Variants in WAC observed in about 807,000 individuals in gnomAD.
The protein encoded by WAC is WW domain containing adaptor with coiled-coil.
In WAC, 11 loss-of-function variants were observed where a neutral mutation model predicts 79.6. The ratio of observed to expected loss-of-function variants is 0.14; its 90% CI spans 0.09 to 0.23. The LOEUF (loss-of-function observed/expected upper bound fraction) is 0.23. WAC is among the 10% of genes least tolerant of loss of function. WAC has a pLI of 1.00. For missense variants in WAC, 728 were observed against 773.5 expected, an observed-to-expected ratio of 0.94 and a Z score of 0.70; for synonymous variants, 304 against 276.9, an observed-to-expected ratio of 1.10 and a Z score of -0.97.
At chr10:28,610,663 G>A in intron 8 of WAC, 36 bp from the exon 9 acceptor site, 2 of 1,575,968 alleles carry the variant, frequency 1.3e-6, no homozygotes, top group Non-Finnish European at 1.7e-6. Context: ...TAAGCCTCTT[G>A]TTTTTATATG....
chr10:28,549,885 C>T lies in WAC; in HGVS notation c.274+14128C>T, dbSNP rs151194684. ...AAGTTTAAAGAGTTTTAAGTTTTGG[C>T]CAGGCGCAGTGGCTCACACCTGTAC... On this transcript the variant is annotated intron_variant, in intron 3 of 13. Coordinates refer to ENST00000354911, the MANE Select transcript of WAC (RefSeq NM_016628.5). Among the ~76,000 whole-genome samples, 336 of 152,160 alleles carry T rather than the reference C, an allele frequency of 2.2e-3. 1 individual carries two copies. Among genetic ancestry groups the T allele is most frequent in the Middle Eastern group, 0.01 (3 of 294 alleles).
chr10:28,597,272 G>A (rs1201462278), intron 7 of WAC, among the ~76,000 whole-genome samples: 1 of 152,050 alleles, frequency 6.6e-6, no homozygotes, highest in Non-Finnish European at 1.5e-5. Flanking sequence ...GAGAAATATT[G>A]AGAGATGAAA....
chr10:28,585,398 A>C (rs1244768946), intron 4 of WAC, among the ~76,000 whole-genome samples: 1 of 152,138 alleles, frequency 6.6e-6, no homozygotes, highest in East Asian at 1.9e-4. Flanking sequence ...CCATCTGGCT[A>C]AATAGAGAGT....
chr10:28,565,428 A>G (rs1440298845), intron 3 of WAC, among the ~76,000 whole-genome samples: 1 of 152,176 alleles, frequency 6.6e-6, no homozygotes, highest in Non-Finnish European at 1.5e-5. Flanking sequence ...GCTGGAGTGC[A>G]GTGGCTCAAT....
intron 4 of WAC, among the ~76,000 whole-genome samples, chr10:28,587,275 T>G (rs892118936): frequency 1.3e-5 from 2 of 152,260 alleles, no homozygotes; most frequent in African/African-American, 4.8e-5. Context: ...AACATCTTAG[T>G]AATGTTTGAC....
At chr10:28,581,550 G>C (rs1161180934) in intron 3 of WAC, among the ~76,000 whole-genome samples, 1 of 151,736 alleles carries the variant, frequency 6.6e-6, no homozygotes, top group African/African-American at 2.4e-5. Context: ...CTTTTTGTTT[G>C]TTTGTTTGTT....
At chr10:28,547,401 G>A (rs1837411133) in intron 3 of WAC, among the ~76,000 whole-genome samples, 1 of 152,100 alleles carries the variant, frequency 6.6e-6, no homozygotes, top group African/African-American at 2.4e-5. Context: ...TGGGCGTGGT[G>A]GCATGTGCCT....
chr10:28,533,338 T>C lies in WAC; in HGVS notation c.-242T>C, dbSNP rs1243957945. On this transcript the variant is annotated 5_prime_UTR_variant, in exon 1 of 14. Transcript: ENST00000354911. ...CGTCGTCTTGCCCCCCTCCCCCCGG[T>C]TCGCGGTGCCGCCGTGTAGTTGGCG... 1.3e-5 allele frequency: 2 copies of C among 154,096 alleles called. No individual in the cohort carries two copies. The highest frequency in any genetic ancestry group is 2.9e-5 in the Non-Finnish European group (2 of 69,236). 9.5% of individuals were successfully genotyped at this position (154,096 alleles called of 1,614,324 possible). A position where few individuals can be genotyped will look rare whatever the true frequency, so the allele number is the denominator to read the frequency against.
chr10:28,544,689 T>TG (rs1184897114), intron 3 of WAC, among the ~76,000 whole-genome samples: 1 of 152,136 alleles, frequency 6.6e-6, no homozygotes, highest in East Asian at 1.9e-4. Flanking sequence ...ATGTGGCTTG[T>TG]GGGAACATTC....
At chr10:28,574,943 AAT>A (rs1839168045) in intron 3 of WAC, among the ~76,000 whole-genome samples, 1 of 151,972 alleles carries the variant, frequency 6.6e-6, no homozygotes, top group South Asian at 2.1e-4. Context: ...TAGATGTTTG[AAT>A]GAATGAATGA....
Position 28,617,661 on chromosome 10 carries a change from C to T in WAC, c.1751C>T (p.Ser584Leu), listed in dbSNP as rs1841530736. The change falls in exon 13 of 14, where the codon TCA (serine) becomes TTA (leucine). Residue 584 changes from serine to leucine, a missense_variant. By Grantham distance (145) the Ser-to-Leu change is moderately radical. Coordinates refer to ENST00000354911, the MANE Select transcript of WAC (RefSeq NM_016628.5). The part of the protein sequence containing the change: ...WPADHAEKQA[S>L]RLREEAHNMG... ...TCTTCATTTCTTTAATTACAGGCATCAAGATTACGCGAAGAAGCGCATAAC... is the reference window on the plus strand; with the variant it reads ...TCTTCATTTCTTTAATTACAGGCATTAAGATTACGCGAAGAAGCGCATAAC... 6.4e-7 allele frequency: 1 copy of T among 1,560,338 alleles called. No homozygotes were observed. The highest frequency in any genetic ancestry group is 2.3e-5 in the East Asian group (1 of 43,022).
In WAC at chr10:28,596,029, A is replaced by G. The variant is rs1840345899; in HGVS notation, c.907A>G (p.Thr303Ala). ...CACATCTTCTGTCCCTGCACAGAAAACAGAAAGAAAAGGTATGCCATTATT... is the reference window on the plus strand; with the variant it reads ...CACATCTTCTGTCCCTGCACAGAAAGCAGAAAGAAAAGGTATGCCATTATT... ...TPTSSVPAQKTERKESTSGDK... is the reference protein window; with the variant it reads ...TPTSSVPAQKAERKESTSGDK... Residue 303 changes from threonine (T) to alanine (A), a missense_variant, in exon 7 of 14, where the codon ACA (threonine) becomes GCA (alanine). By Grantham distance (58) the Thr-to-Ala change is moderately conservative. Around this residue, in one of 3 missense-constraint regions of WAC, gnomAD observed 648 missense variants for 661.5 expected, o/e 0.98. Coordinates refer to ENST00000354911, the MANE Select transcript of WAC (RefSeq NM_016628.5). 1 of 1,613,630 alleles carries G rather than the reference A, an allele frequency of 6.2e-7. No homozygotes were observed.
At chr10:28,589,459 C>G (rs1839984939) in intron 4 of WAC, 1 of 193,058 alleles carries the variant, frequency 5.2e-6, no homozygotes, top group Non-Finnish European at 1.1e-5. Context: ...TTTTGTCATG[C>G]TTTCTAAAAT....
chr10:28,568,660 A>T (rs112847828), intron 3 of WAC, among the ~76,000 whole-genome samples: 41 of 152,124 alleles, frequency 2.7e-4, no homozygotes, highest in African/African-American at 9.4e-4. Context: ...TGTCATTTAC[A>T]TTAGGTATAT....
At chr10:28,597,111 C>T (rs920690168) in intron 7 of WAC, among the ~76,000 whole-genome samples, 3 of 151,758 alleles carry the variant, frequency 2.0e-5, no homozygotes, top group Non-Finnish European at 2.9e-5. Context: ...TTGAATTTTC[C>T]TTGTTATTCA....
intron 3 of WAC, among the ~76,000 whole-genome samples, chr10:28,570,946 CTTTTTTTTTTTTTT>C (rs139500035): frequency 1.1e-4 from 7 of 64,538 alleles, no homozygotes; most frequent in South Asian, 1.7e-3. Context: ...TAAAGATATA[CTTTTTTTTTTTTTT>C]TTTTTTTTTT....
intron 3 of WAC, 47 bp from the exon 4 acceptor site, chr10:28,583,352 T>C (rs1248061015): frequency 1.5e-6 from 2 of 1,375,638 alleles, no homozygotes; most frequent in Non-Finnish European, 2.0e-6. Flanking sequence ...AGATTAAACA[T>C]GAAATACAGT....
chr10:28,541,420 G>GTTTTTTTTTT (rs869099181), intron 3 of WAC, among the ~76,000 whole-genome samples: 1 of 49,210 alleles, frequency 2.0e-5, no homozygotes, highest in African/African-American at 1.1e-4. Flanking sequence ...TGTGTGTTTT[G>GTTTTTTTTTT]TTTTTTTTTT....
intron 3 of WAC, among the ~76,000 whole-genome samples, chr10:28,571,290 G>GA (rs1339071334): frequency 6.6e-6 from 1 of 152,016 alleles, no homozygotes; most frequent in Admixed American, 6.5e-5. Context: ...CAGAAGCATC[G>GA]AAAAATGCTT....
Sources: allele counts gnomAD v4.1 joint callset (sites outside exome capture counted in the v4.1 genomes callset), GRCh38; gene constraint gnomAD v4.1.1; regional missense constraint gnomAD v4.1.1; transcripts MANE v1.5; gene names NCBI Gene and HGNC (gene_info 2026-07-23, HGNC 2026-07-21).